Variants in MSRB2 observed in about 807,000 individuals in gnomAD.
MSRB2 encodes the protein methionine-R-sulfoxide reductase B2, mitochondrial.
Under a neutral mutation model 19.0 loss-of-function variants are expected in MSRB2, and 17 were observed. The ratio of observed to expected loss-of-function variants is 0.89; its 90% CI spans 0.61 to 1.34. The LOEUF (loss-of-function observed/expected upper bound fraction) is 1.34. Ranked by LOEUF, MSRB2 falls within the 40% of genes most tolerant of loss-of-function variation. The pLI is 0.00. For missense variants in MSRB2, 208 were observed against 237.6 expected, an observed-to-expected ratio of 0.88 and a Z score of 0.82; for synonymous variants, 107 against 99.7, an observed-to-expected ratio of 1.07 and a Z score of -0.44.
At chr10:23,105,192 A>C (rs74818681) in intron 2 of MSRB2, among the ~76,000 whole-genome samples, 9,950 of 145,236 alleles carry the variant, frequency 0.069, 866 homozygotes, top group African/African-American at 0.21. Flanking sequence ...TGCTACATTT[A>C]TCTCTCTCTC....
chr10:23,115,159 GAACACTTTCCA>G, intron 3 of MSRB2, among the ~76,000 whole-genome samples: 1 of 152,250 alleles, frequency 6.6e-6, no homozygotes, highest in Admixed American at 6.5e-5. Flanking sequence ...TCTGGGTCAA[GAACACTTTCCA>G]GAATGTGTTG....
At chr10:23,118,906 C>T (rs144007741) in intron 3 of MSRB2, 130 of 390,038 alleles carry the variant, frequency 3.3e-4, no homozygotes, top group African/African-American at 1.7e-3. Flanking sequence ...TACACTTCTG[C>T]GCTGCTCTAA....
At position 23,104,155 on chromosome 10, in the gene MSRB2, A is replaced by G. The variant is rs749705647; in HGVS notation, c.130A>G (p.Thr44Ala). The change falls in exon 2 of 5, where the codon ACG becomes GCG. Residue 44 changes from threonine (T) to alanine (A), a missense_variant. Thr to Ala is a moderately conservative substitution (Grantham distance 58). Transcript: ENST00000376510. ...PGLGEAGSLA[T>A]CELPLAKSEW... The stretch of plus-strand genomic sequence containing the variant: ...GTTTAACAATACAGGGTCTCTTGCA[A>G]CGTGTGAGCTGCCTCTTGCCAAGAG... 1.9e-6 allele frequency: 3 copies of G among 1,613,118 alleles called. No homozygotes were observed. Among genetic ancestry groups the G allele is most frequent in the South Asian group, 1.1e-5 (1 of 90,936 alleles).
At chr10:23,096,186 A>C (rs560412096) in intron 1 of MSRB2, among the ~76,000 whole-genome samples, 13 of 152,024 alleles carry the variant, frequency 8.6e-5, no homozygotes, top group African/African-American at 2.9e-4. Flanking sequence ...GGCAGTTCAG[A>C]CTTGGGGTTC....
chr10:23,095,974 G>A (rs903358431), intron 1 of MSRB2, among the ~76,000 whole-genome samples: 2 of 151,788 alleles, frequency 1.3e-5, no homozygotes, highest in African/African-American at 4.8e-5. Flanking sequence ...CTAAATGTGC[G>A]CATAATTTTT....
chr10:23,119,339 C>T lies in MSRB2; in HGVS notation c.332C>T (p.Pro111Leu). 1 of 1,614,120 alleles carries T rather than the reference C, an allele frequency of 6.2e-7. No individual in the cohort carries two copies. The highest frequency in any genetic ancestry group is 8.5e-7 in the Non-Finnish European group (1 of 1,180,016). Reference protein sequence around the residue: ...EKKYCSGTGWPSFSEAHGTSG... With the variant: ...EKKYCSGTGWLSFSEAHGTSG... ...AAGTACTGCTCTGGCACTGGGTGGC[C>T]TTCGTTTTCCGAGGCTCATGGTACG... Residue 111 changes from proline (P) to leucine (L), a missense_variant, in exon 4 of 5, where the codon CCT becomes CTT. Pro to Leu is a moderately conservative substitution (Grantham distance 98). Transcript: ENST00000376510.
At chr10:23,104,699 C>A (rs1023527581) in intron 2 of MSRB2, among the ~76,000 whole-genome samples, 3 of 152,276 alleles carry the variant, frequency 2.0e-5, no homozygotes, top group Non-Finnish European at 4.4e-5. Context: ...GTCCTAACGG[C>A]CCCTGGCTCC....
Position 23,121,282 on chromosome 10 carries a change from G to C in MSRB2, c.*420G>C, listed in dbSNP as rs192588791. 1 of 165,386 alleles carries C rather than the reference G, an allele frequency of 6.0e-6. No individual in the cohort carries two copies. Among genetic ancestry groups the C allele is most frequent in the East Asian group, 1.8e-4 (1 of 5,636 alleles). The allele number at this position is 165,386 out of a possible 1,614,324, so 10.2% of individuals were successfully genotyped here. A position where few individuals can be genotyped will look rare whatever the true frequency, so the allele number is the denominator to read the frequency against. ...GCTTTTACTCATGGCAGAAGGTGAA[G>C]GGGGAGCCGGCGTCTCACATGGCAA... is the stretch of plus-strand genomic sequence containing the variant. On this transcript the variant is annotated 3_prime_UTR_variant, in exon 5 of 5. Transcript: ENST00000376510.
At position 23,097,491 on chromosome 10, in the gene MSRB2, CA is replaced by C. The variant is rs1839881177; in HGVS notation, c.118+1766del. The stretch of plus-strand genomic sequence containing the variant: ...TTCAGGTGACTGTCTCAGGAAGGAC[CA>C]CTAATCCCTCAAGAGAGCCTCACCT... On this transcript the variant is annotated intron_variant, in intron 1 of 4. Transcript: ENST00000376510. 3.9e-5 allele frequency among the ~76,000 whole-genome samples: 6 copies of C among 152,304 alleles called. No individual in the cohort carries two copies. The South Asian group carries it at 1.2e-3, about 32-fold the overall frequency.
At chr10:23,109,678 G>A (rs1318104837) in intron 2 of MSRB2, among the ~76,000 whole-genome samples, 9 of 152,158 alleles carry the variant, frequency 5.9e-5, no homozygotes, top group Admixed American at 5.2e-4. Context: ...AATGAACGCA[G>A]TAATTTCATC....
chr10:23,110,447 T>G, intron 3 of MSRB2, 129 bp downstream of exon 3: 1 of 707,684 alleles, frequency 1.4e-6, no homozygotes, highest in Non-Finnish European at 2.4e-6. Flanking sequence ...GCTCTTCTCA[T>G]TTTGCATTGT....
At chr10:23,108,165 C>G (rs1936039461) in intron 2 of MSRB2, among the ~76,000 whole-genome samples, 1 of 152,056 alleles carries the variant, frequency 6.6e-6, no homozygotes, top group Admixed American at 6.5e-5. Flanking sequence ...ACCATGTTGG[C>G]CAGGCTGGTC....
chr10:23,115,696 G>GAT (rs1840103166), intron 3 of MSRB2, among the ~76,000 whole-genome samples: 1 of 152,182 alleles, frequency 6.6e-6, no homozygotes, highest in South Asian at 2.1e-4. Context: ...TGGAATTTCT[G>GAT]ATTGGCTTTA....
Position 23,104,854 on chromosome 10 carries a change from C to T in MSRB2, c.219+610C>T, listed in dbSNP as rs529266310. Reference sequence around the variant, plus strand: ...CTTCTTCTCTCCCGTCATCCCTCCCCACACTCTCCACCCATTCATTCAGAC... The same window carrying T: ...CTTCTTCTCTCCCGTCATCCCTCCCTACACTCTCCACCCATTCATTCAGAC... On this transcript the variant is annotated intron_variant, in intron 2 of 4. Transcript: ENST00000376510. Among the ~76,000 whole-genome samples, 4 of 152,210 alleles carry T rather than the reference C, an allele frequency of 2.6e-5. No homozygotes were observed. The East Asian group carries it at 5.8e-4, about 22-fold the overall frequency.
chr10:23,117,432 G>A (rs1286696039), intron 3 of MSRB2, among the ~76,000 whole-genome samples: 2 of 152,050 alleles, frequency 1.3e-5, no homozygotes, highest in Middle Eastern at 3.4e-3. Flanking sequence ...TTTTTAAGCC[G>A]GATGTTAAAG....
intron 2 of MSRB2, among the ~76,000 whole-genome samples, chr10:23,106,511 T>A (rs536707236): frequency 3.9e-5 from 6 of 152,324 alleles, no homozygotes; most frequent in Admixed American, 2.6e-4. Context: ...TGCTCTGAGC[T>A]CTAGGAAGAG....
chr10:23,116,629 A>C (rs973321382), intron 3 of MSRB2, among the ~76,000 whole-genome samples: 2 of 152,242 alleles, frequency 1.3e-5, no homozygotes, highest in Non-Finnish European at 2.9e-5. Flanking sequence ...TTTAATCAGG[A>C]GAAAGTTACT....
intron 1 of MSRB2, among the ~76,000 whole-genome samples, chr10:23,102,440 T>C (rs1237837333): frequency 6.6e-6 from 1 of 152,032 alleles, no homozygotes; most frequent in Admixed American, 6.6e-5. Context: ...GGGTCACACA[T>C]TGGTTTTAGT....
At chr10:23,117,479 A>C (rs1025582456) in intron 3 of MSRB2, among the ~76,000 whole-genome samples, 5 of 152,228 alleles carry the variant, frequency 3.3e-5, no homozygotes, top group African/African-American at 1.2e-4. Context: ...AACTCTTCTC[A>C]TGAAATGTTT....
Sources: gnomAD v4.1 joint callset for allele counts (sites outside exome capture counted in the v4.1 genomes callset) on GRCh38, gnomAD v4.1.1 for gene constraint, MANE v1.5 for transcripts, NCBI Gene and HGNC (gene_info 2026-07-23, HGNC 2026-07-21) for gene names.